The following SMARCA2 variants were observed in gnomAD, a reference collection of about 807,000 sequenced individuals.
The protein encoded by SMARCA2 is SWI/SNF related BAF chromatin remodeling complex subunit ATPase 2.
In SMARCA2, 61 loss-of-function variants were observed where a neutral mutation model predicts 199.8. The observed-to-expected ratio is 0.31, with a 90% CI of 0.25 to 0.38. SMARCA2 has a LOEUF of 0.38. SMARCA2 is among the 10% of genes least tolerant of loss of function. SMARCA2 has a pLI of 1.00. For synonymous variants in SMARCA2, 935 were observed against 732.0 expected, an observed-to-expected ratio of 1.28 and a Z score of -4.48; for missense variants, 1,344 against 2,012.2, an observed-to-expected ratio of 0.67 and a Z score of 6.35.
chr9:2,184,552 A>T (rs916154499), intron 31 of SMARCA2, among the ~76,000 whole-genome samples: 27 of 151,338 alleles, frequency 1.8e-4, no homozygotes, highest in African/African-American at 6.6e-4. Context: ...ATGGGGTTTC[A>T]CCATGTTGGC....
At chr9:2,128,269 G>T (rs1006113681) in intron 27 of SMARCA2, among the ~76,000 whole-genome samples, 33 of 152,198 alleles carry the variant, frequency 2.2e-4, no homozygotes, top group Non-Finnish European at 1.2e-4. Flanking sequence ...CCTTTCCTGG[G>T]AGGTCTTTAC....
At chr9:2,048,651 G>T (rs1819986427) in intron 5 of SMARCA2, among the ~76,000 whole-genome samples, 1 of 152,104 alleles carries the variant, frequency 6.6e-6, no homozygotes, top group African/African-American at 2.4e-5. Context: ...AGAATAACTT[G>T]CCATTAGATG....
At chr9:2,126,084 A>G (rs552173847) in intron 27 of SMARCA2, among the ~76,000 whole-genome samples, 1 of 152,358 alleles carries the variant, frequency 6.6e-6, no homozygotes, top group Admixed American at 6.5e-5. Context: ...GGAAAGGGAA[A>G]GTGACTAACT....
At chr9:2,069,752 CTTTT>C (rs1189426547) in intron 9 of SMARCA2, among the ~76,000 whole-genome samples, 1 of 151,810 alleles carries the variant, frequency 6.6e-6, no homozygotes, top group African/African-American at 2.4e-5. Context: ...ATAGCTTATT[CTTTT>C]TTTTGAGGGT....
intron 27 of SMARCA2, among the ~76,000 whole-genome samples, chr9:2,149,589 G>T (rs1824948947): frequency 6.6e-6 from 1 of 151,500 alleles, no homozygotes; most frequent in Non-Finnish European, 1.5e-5. Flanking sequence ...ACTACCATGA[G>T]AACAGTGTGA....
intron 19 of SMARCA2, among the ~76,000 whole-genome samples, chr9:2,089,686 A>C (rs1231717235): frequency 6.6e-6 from 1 of 152,196 alleles, no homozygotes; most frequent in Non-Finnish European, 1.5e-5. Context: ...TTGGACGTAG[A>C]ATGCTATTGA....
At chr9:2,121,727 A>G (rs1823471484) in intron 26 of SMARCA2, among the ~76,000 whole-genome samples, 1 of 152,244 alleles carries the variant, frequency 6.6e-6, no homozygotes, top group Non-Finnish European at 1.5e-5. Flanking sequence ...GTCTTTTAAA[A>G]AAAGCATGTC....
At chr9:2,172,999 A>G (rs1826340323) in intron 29 of SMARCA2, among the ~76,000 whole-genome samples, 1 of 152,338 alleles carries the variant, frequency 6.6e-6, no homozygotes, top group South Asian at 2.1e-4. Flanking sequence ...GGCAGTAGGT[A>G]GGAAGACAAG....
chr9:2,146,813 T>A (rs1370206010), intron 27 of SMARCA2, among the ~76,000 whole-genome samples: 4 of 151,866 alleles, frequency 2.6e-5, no homozygotes, highest in African/African-American at 9.7e-5. Flanking sequence ...CTGGTGGGAG[T>A]GTAGCAGTGA....
intron 9 of SMARCA2, among the ~76,000 whole-genome samples, chr9:2,063,951 G>A (rs1820713081): frequency 1.3e-5 from 2 of 152,152 alleles, no homozygotes; most frequent in Non-Finnish European, 2.9e-5. Context: ...TTCCATTAAA[G>A]CCCTTGAAAT....
At chr9:2,158,787 C>T (rs1825510975) in intron 27 of SMARCA2, 1 of 533,922 alleles carries the variant, frequency 1.9e-6, no homozygotes, top group Non-Finnish European at 3.1e-6. Context: ...CAGGAGTAAT[C>T]TTACTCTACT....
intron 27 of SMARCA2, among the ~76,000 whole-genome samples, chr9:2,133,423 G>C (rs1043474169): frequency 6.6e-6 from 1 of 151,672 alleles, no homozygotes; most frequent in African/African-American, 2.4e-5. Flanking sequence ...CTGAGACTAC[G>C]GGTACGCACC....
chr9:2,087,542 C>CT (rs375529548), intron 18 of SMARCA2, among the ~76,000 whole-genome samples: 10 of 148,870 alleles, frequency 6.7e-5, no homozygotes, highest in South Asian at 2.1e-4. Flanking sequence ...TTCTGCAGAC[C>CT]TTTTTTTTTT....
intron 29 of SMARCA2, among the ~76,000 whole-genome samples, chr9:2,178,582 G>C (rs1300120730): frequency 6.6e-6 from 1 of 151,936 alleles, no homozygotes; most frequent in Admixed American, 6.6e-5. Context: ...CTTTCTGGCC[G>C]GGGGCAGGGT....
At chr9:2,099,739 CT>C (rs1400126336) in intron 21 of SMARCA2, among the ~76,000 whole-genome samples, 7 of 152,254 alleles carry the variant, frequency 4.6e-5, no homozygotes, top group Admixed American at 6.5e-5. Context: ...GCCACACACC[CT>C]TTGTTCATAC....
Position 2,086,781 on chromosome 9 carries a change from G to T in SMARCA2, c.2527-48G>T. ...CACCACTTGCTTGTTGGAAATAGTTGTATTTTCCCTTGCTTACTACACGTC... is the reference window on the plus strand; with the variant it reads ...CACCACTTGCTTGTTGGAAATAGTTTTATTTTCCCTTGCTTACTACACGTC... On this transcript the variant is annotated intron_variant, in intron 17 of 33. Transcript: ENST00000349721. This position sits in a 1 kb window ranked among gnomAD's most constrained non-coding sequence, Gnocchi z 4.3. 6.2e-7 allele frequency: 1 copy of T among 1,605,602 alleles called. No homozygotes were observed. The highest frequency in any genetic ancestry group is 8.5e-7 in the Non-Finnish European group (1 of 1,174,976).
chr9:2,184,473 C>G (rs889055565), intron 31 of SMARCA2, among the ~76,000 whole-genome samples: 5 of 151,736 alleles, frequency 3.3e-5, no homozygotes, highest in African/African-American at 1.2e-4. Context: ...CTGCCTCACC[C>G]TCCCAAGTAG....
chr9:2,147,686 A>C (rs1450255754), intron 27 of SMARCA2, among the ~76,000 whole-genome samples: 2 of 151,714 alleles, frequency 1.3e-5, no homozygotes, highest in African/African-American at 4.8e-5. Flanking sequence ...TCTCTACTAA[A>C]AATACGAAAA....
Position 2,082,006 on chromosome 9 carries a change from T to A in SMARCA2, c.2348+11T>A. 1.2e-6 allele frequency: 2 copies of A among 1,610,206 alleles called. No homozygotes were observed. Among genetic ancestry groups the A allele is most frequent in the Non-Finnish European group, 1.7e-6 (2 of 1,177,724 alleles). ...CATTGTTCCCCTTTCGTAAGTAAAG[T>A]CATTTATTCCACAGTCATCGTTCTG... On this transcript the variant is annotated intron_variant, in intron 15 of 33. Transcript: ENST00000349721.
Sources: allele counts gnomAD v4.1 joint callset (sites outside exome capture counted in the v4.1 genomes callset), GRCh38; gene constraint gnomAD v4.1.1; non-coding constraint Gnocchi (gnomAD v3.1); transcripts MANE v1.5; gene names NCBI Gene and HGNC (gene_info 2026-07-23, HGNC 2026-07-21).